RSF1: variants seen among roughly 807,000 people sequenced by gnomAD.
RSF1 encodes remodeling and spacing factor 1.
RSF1 carries 13 observed loss-of-function variants against 145.2 expected under a neutral mutation model. The ratio of observed to expected loss-of-function variants is 0.09; its 90% CI spans 0.06 to 0.14. RSF1 has a LOEUF of 0.14. Ranked by LOEUF, RSF1 falls within the 10% of genes least tolerant of loss-of-function variation. The pLI, the probability that RSF1 is intolerant of heterozygous loss-of-function variation, is 1.00. For synonymous variants in RSF1, 577 were observed against 592.6 expected, an observed-to-expected ratio of 0.97 and a Z score of 0.38; for missense variants, 1,517 against 1,718.2, an observed-to-expected ratio of 0.88 and a Z score of 2.07.
chr11:77,813,085 C>T (rs1477215385), intron 1 of RSF1, among the ~76,000 whole-genome samples: 1 of 152,028 alleles, frequency 6.6e-6, no homozygotes. Context: ...ATCCCTGCTT[C>T]TTCTGTTTAT....
intron 1 of RSF1, among the ~76,000 whole-genome samples, chr11:77,777,344 C>A (rs574047073): frequency 6.6e-6 from 1 of 152,286 alleles, no homozygotes; most frequent in South Asian, 2.1e-4. Flanking sequence ...GTAATCCCAG[C>A]ACTTTTGGAG....
chr11:77,844,524 C>A, the RSF1 span, among the ~76,000 whole-genome samples: 19 of 151,886 alleles, frequency 1.3e-4, no homozygotes, highest in African/African-American at 4.4e-4. Context: ...TCACACCTGG[C>A]TTATTTTTTT....
chr11:77,830,101 C>T, the RSF1 span: 1 of 152,108 alleles, frequency 6.6e-6, no homozygotes, highest in Non-Finnish European at 1.5e-5. Flanking sequence ...TGCACTCCAG[C>T]TTAGGCAACA....
At chr11:77,771,411 A>G (rs1174317570) in intron 1 of RSF1, among the ~76,000 whole-genome samples, 3 of 152,176 alleles carry the variant, frequency 2.0e-5, no homozygotes, top group Non-Finnish European at 2.9e-5. Flanking sequence ...GCAAAAGGAA[A>G]TGCATGTATG....
chr11:77,709,830 T>C (rs1483140115), intron 5 of RSF1, among the ~76,000 whole-genome samples: 1 of 152,090 alleles, frequency 6.6e-6, no homozygotes, highest in Non-Finnish European at 1.5e-5. Context: ...CTAAGCCTCC[T>C]GAGTAACTGG....
chr11:77,743,954 G>A (rs1376633196), intron 3 of RSF1, among the ~76,000 whole-genome samples: 1 of 152,026 alleles, frequency 6.6e-6, no homozygotes, highest in Non-Finnish European at 1.5e-5. Flanking sequence ...TGTTTTTTCT[G>A]CATATACTCA....
In RSF1 at chr11:77,665,600, T is replaced by G. The variant is rs1227327594; in HGVS notation, c.*1317A>C. 2 of 152,242 alleles carry G rather than the reference T, an allele frequency of 1.3e-5. No homozygotes were observed. The highest frequency in any genetic ancestry group is 2.9e-5 in the Non-Finnish European group (2 of 68,036). The allele number at this position is 152,242 out of a possible 1,614,324, so 9.4% of individuals were successfully genotyped here. On this transcript the variant is annotated 3_prime_UTR_variant, in exon 16 of 16. Coordinates refer to ENST00000308488, the MANE Select transcript of RSF1 (RefSeq NM_016578.4). ...CTTTTCTTTAAAGTGTTGAGATGTT[T>G]GAAATGGATGTCATGCCTATTAATT...
intron 11 of RSF1, among the ~76,000 whole-genome samples, chr11:77,680,939 T>C (rs915303435): frequency 1.3e-5 from 2 of 152,212 alleles, no homozygotes; most frequent in African/African-American, 4.8e-5. Context: ...TAAGGTGGCA[T>C]AATAACCTAT....
At chr11:77,728,866 T>TAA (rs550635070) in intron 4 of RSF1, among the ~76,000 whole-genome samples, 23,295 of 143,904 alleles carry the variant, frequency 0.16, 2,091 homozygotes, top group African/African-American at 0.23. Flanking sequence ...GCATAACTTG[T>TAA]AAAAAAAAAA....
chr11:77,753,511 C>T (rs934388199), intron 2 of RSF1, among the ~76,000 whole-genome samples: 7 of 152,186 alleles, frequency 4.6e-5, no homozygotes, highest in African/African-American at 1.2e-4. Flanking sequence ...TTGTCCAACG[C>T]GTGGCCCACA....
At chr11:77,796,471 TA>T (rs1272108581) in intron 1 of RSF1, among the ~76,000 whole-genome samples, 1 of 152,138 alleles carries the variant, frequency 6.6e-6, no homozygotes, top group Non-Finnish European at 1.5e-5. Flanking sequence ...CCTTTCATGC[TA>T]AAAAATCTCA....
chr11:77,745,941 A>T (rs906994433), intron 3 of RSF1, among the ~76,000 whole-genome samples: 2 of 152,016 alleles, frequency 1.3e-5, no homozygotes, highest in African/African-American at 2.4e-5. Context: ...TATGTATTAT[A>T]TCCACTTTCT....
chr11:77,820,086 T>C (rs1948839216), intron 1 of RSF1, among the ~76,000 whole-genome samples: 1 of 151,698 alleles, frequency 6.6e-6, no homozygotes, highest in Non-Finnish European at 1.5e-5. Flanking sequence ...CCCGAGATGG[T>C]CGGGAAGACT....
chr11:77,808,898 A>T (rs1394070839), intron 1 of RSF1, among the ~76,000 whole-genome samples: 1 of 152,202 alleles, frequency 6.6e-6, no homozygotes. Context: ...AAGTAAAAAG[A>T]GGTGAGTGGG....
chr11:77,763,218 TGTA>T (rs1314393513), intron 2 of RSF1: 1 of 152,238 alleles, frequency 6.6e-6, no homozygotes, highest in Non-Finnish European at 1.5e-5. Context: ...GGCACGCACC[TGTA>T]GTCCCAGCTA....
chr11:77,704,222 G>GA (rs1960490627), intron 5 of RSF1, among the ~76,000 whole-genome samples: 1 of 152,154 alleles, frequency 6.6e-6, no homozygotes, highest in Non-Finnish European at 1.5e-5. Context: ...TGGAGCCCAG[G>GA]AGTTCAAGGT....
chr11:77,863,679 G>T, the RSF1 span, among the ~76,000 whole-genome samples: 1 of 152,016 alleles, frequency 6.6e-6, no homozygotes, highest in East Asian at 1.9e-4. Context: ...ATAAGCCACC[G>T]CACCTGGCTG....
At chr11:77,727,277 C>A (rs1961077549) in intron 4 of RSF1, among the ~76,000 whole-genome samples, 1 of 151,996 alleles carries the variant, frequency 6.6e-6, no homozygotes, top group African/African-American at 2.4e-5. Context: ...TACTCATATT[C>A]CATTGAGAAT....
At chr11:77,832,474 G>A in the RSF1 span, among the ~76,000 whole-genome samples, 1 of 151,902 alleles carries the variant, frequency 6.6e-6, no homozygotes, top group Non-Finnish European at 1.5e-5. Flanking sequence ...TTACAGGCAT[G>A]CGCCACCATG....
Sources: allele counts gnomAD v4.1 joint callset (sites outside exome capture counted in the v4.1 genomes callset), GRCh38; gene constraint gnomAD v4.1.1; transcripts MANE v1.5; gene names NCBI Gene and HGNC (gene_info 2026-07-23, HGNC 2026-07-21).